The following XPO6 variants were observed in gnomAD, a reference collection of about 807,000 sequenced individuals.
XPO6 encodes exportin-6.
In XPO6, 3 loss-of-function variants were observed where a neutral mutation model predicts 130.0. The observed-to-expected ratio is 0.02, with a 90% CI of 0.01 to 0.06. XPO6 has a LOEUF of 0.06. Among genes scored for constraint, XPO6 ranks in the 10% least tolerant of loss-of-function variants. XPO6 has a pLI of 1.00. For missense variants in XPO6, 970 were observed against 1,393.0 expected, an observed-to-expected ratio of 0.70 and a Z score of 4.83; for synonymous variants, 524 against 548.9, an observed-to-expected ratio of 0.95 and a Z score of 0.63.
intron 1 of XPO6, among the ~76,000 whole-genome samples, chr16:28,209,334 A>C (rs2044087043): frequency 6.6e-6 from 1 of 152,200 alleles, no homozygotes; most frequent in East Asian, 1.9e-4. Context: ...ACTACAATTA[A>C]AAAACAAAAC....
At chr16:28,159,041 G>A (rs2043228890) in intron 6 of XPO6, among the ~76,000 whole-genome samples, 1 of 151,900 alleles carries the variant, frequency 6.6e-6, no homozygotes, top group African/African-American at 2.4e-5. Context: ...ACCAGCTTGG[G>A]CAACATAGCG....
Position 28,211,394 on chromosome 16 carries a change from A to G in XPO6, c.-26T>C. 7.6e-7 allele frequency: 1 copy of G among 1,312,228 alleles called. No individual in the cohort carries two copies. The highest frequency in any genetic ancestry group is 9.8e-7 in the Non-Finnish European group (1 of 1,021,600). The allele number at this position is 1,312,228 out of a possible 1,614,324, so 81.3% of individuals were successfully genotyped here. A position where few individuals can be genotyped will look rare whatever the true frequency, so the allele number is the denominator to read the frequency against. ...GCTGGCCGGGGAGGGGGCGGCTCAG[A>G]TGAGCTGGTTCTTGGGCTTCGGACA... On this transcript the variant is annotated 5_prime_UTR_variant, in exon 1 of 24. Transcript: ENST00000304658.
At chr16:28,133,387 G>C (rs1567611584) in intron 11 of XPO6, among the ~76,000 whole-genome samples, 1 of 152,030 alleles carries the variant, frequency 6.6e-6, no homozygotes, top group African/African-American at 2.4e-5. Context: ...AAGAAGTGAT[G>C]AATTTAATGA....
At chr16:28,124,442 A>T (rs1243353809) in intron 13 of XPO6, among the ~76,000 whole-genome samples, 2 of 152,212 alleles carry the variant, frequency 1.3e-5, no homozygotes, top group Non-Finnish European at 2.9e-5. Flanking sequence ...ACAGAAAAAC[A>T]TGTCTTATCC....
At chr16:28,151,983 A>C (rs562418051) in intron 8 of XPO6, among the ~76,000 whole-genome samples, 1 of 152,380 alleles carries the variant, frequency 6.6e-6, no homozygotes, top group African/African-American at 2.4e-5. Context: ...TTCACTGAAC[A>C]TCACTGAGTT....
At chr16:28,110,205 T>A (rs1451931668) in intron 17 of XPO6, among the ~76,000 whole-genome samples, 1 of 152,222 alleles carries the variant, frequency 6.6e-6, no homozygotes, top group African/African-American at 2.4e-5. Context: ...ACCCAGTGCC[T>A]GCACACAGTC....
intron 8 of XPO6, 53 bp from the exon 9 acceptor site, chr16:28,146,256 T>C (rs1014951909): frequency 8.0e-7 from 1 of 1,252,654 alleles, no homozygotes; most frequent in Non-Finnish European, 1.2e-6. Flanking sequence ...TACTATTCCT[T>C]AGAAACACAC....
Position 28,132,434 on chromosome 16 carries a change from T to A in XPO6, c.1537-31A>T. 1 of 1,509,940 alleles carries A rather than the reference T, an allele frequency of 6.6e-7. No homozygotes were observed. Among genetic ancestry groups the A allele is most frequent in the Non-Finnish European group, 9.1e-7 (1 of 1,103,496 alleles). The allele number at this position is 1,509,940 out of a possible 1,614,324, so 93.5% of individuals were successfully genotyped here. A position where few individuals can be genotyped will look rare whatever the true frequency, so the allele number is the denominator to read the frequency against. ...AACAAAGAAACAAAAACAACAAAAA[T>A]TTTAAGCCATAAATGCAAGTTTTAA... On this transcript the variant is annotated intron_variant, in intron 11 of 23. Coordinates refer to ENST00000304658, the MANE Select transcript of XPO6 (RefSeq NM_015171.4). The surrounding 1 kb of genome is among the most constrained non-coding windows in gnomAD (Gnocchi z 4.0).
chr16:28,102,431 C>A (rs902142217), intron 21 of XPO6, among the ~76,000 whole-genome samples: 2 of 152,148 alleles, frequency 1.3e-5, no homozygotes, highest in East Asian at 3.9e-4. Context: ...CTTTGGAATT[C>A]CTGGGTGTAA....
At chr16:28,123,314 T>C (rs1271232606) in intron 13 of XPO6, among the ~76,000 whole-genome samples, 1 of 152,014 alleles carries the variant, frequency 6.6e-6, no homozygotes, top group East Asian at 1.9e-4. Flanking sequence ...CGTCATGTTG[T>C]CCAGGTTGGT....
intron 15 of XPO6, 23 bp from the exon 16 acceptor site, chr16:28,113,073 C>A: frequency 2.5e-6 from 4 of 1,608,834 alleles, no homozygotes; most frequent in Non-Finnish European, 3.4e-6. Flanking sequence ...GAGGGCACGT[C>A]AGCTCACCAC....
At chr16:28,199,589 G>A (rs1331324552) in intron 1 of XPO6, among the ~76,000 whole-genome samples, 1 of 146,296 alleles carries the variant, frequency 6.8e-6, no homozygotes, top group Non-Finnish European at 1.5e-5. Context: ...TTTATTTTGA[G>A]ACAGTCTTGC....
intron 7 of XPO6, chr16:28,153,548 T>G: frequency 1.0e-6 from 1 of 985,378 alleles, no homozygotes; most frequent in African/African-American, 1.7e-5. Context: ...ACAAAATCAT[T>G]TCACAGAAGA....
intron 4 of XPO6, among the ~76,000 whole-genome samples, 163 bp downstream of exon 4, chr16:28,175,735 A>G (rs1410412368): frequency 6.6e-6 from 1 of 152,192 alleles, no homozygotes; most frequent in Non-Finnish European, 1.5e-5. Flanking sequence ...CAAAGATACA[A>G]TATGTCTTAT....
chr16:28,144,498 A>T (rs2042949432), intron 9 of XPO6, among the ~76,000 whole-genome samples: 1 of 152,034 alleles, frequency 6.6e-6, no homozygotes, highest in Non-Finnish European at 1.5e-5. Context: ...ACAGTTCTGA[A>T]CTCCTGAGCT....
At chr16:28,147,640 T>TA (rs960627038) in intron 8 of XPO6, among the ~76,000 whole-genome samples, 1 of 152,014 alleles carries the variant, frequency 6.6e-6, no homozygotes, top group African/African-American at 2.4e-5. Flanking sequence ...AAACAATGAA[T>TA]AAGCCACATG....
intron 17 of XPO6, among the ~76,000 whole-genome samples, chr16:28,109,347 G>A (rs1300799762): frequency 6.8e-6 from 1 of 147,430 alleles, no homozygotes; most frequent in Non-Finnish European, 1.5e-5. Context: ...ATGCAGCAAA[G>A]TGGTGCAGAA....
intron 5 of XPO6, among the ~76,000 whole-genome samples, chr16:28,167,783 A>G (rs544383988): frequency 1.8e-4 from 27 of 152,318 alleles, no homozygotes; most frequent in African/African-American, 6.3e-4. Context: ...AAACCTGAAT[A>G]AATCTTGAAA....
chr16:28,140,515 T>G (rs541045387), intron 9 of XPO6, among the ~76,000 whole-genome samples: 26 of 151,896 alleles, frequency 1.7e-4, no homozygotes, highest in African/African-American at 6.0e-4. Context: ...CTGTCTCTAC[T>G]GAAAATACAA....
Sources: gnomAD v4.1 joint callset for allele counts (sites outside exome capture counted in the v4.1 genomes callset) on GRCh38, gnomAD v4.1.1 for gene constraint, Gnocchi (gnomAD v3.1) non-coding constraint, MANE v1.5 for transcripts, NCBI Gene and HGNC (gene_info 2026-07-23, HGNC 2026-07-21) for gene names.